TRPS1: variants seen among roughly 807,000 people sequenced by gnomAD.
TRPS1 encodes the protein transcriptional repressor GATA binding 1, also known as zinc finger transcription factor Trps1.
In TRPS1, 6 loss-of-function variants were observed where a neutral mutation model predicts 101.2. That is an observed-to-expected ratio of 0.06 (90% CI 0.03 to 0.12). The LOEUF (loss-of-function observed/expected upper bound fraction) is 0.12, where lower values mean the gene tolerates loss of function less well. TRPS1 is among the 10% of genes least tolerant of loss of function. The pLI is 1.00. For missense variants in TRPS1, 1,363 were observed against 1,567.0 expected (o/e 0.87, Z 2.20); for synonymous variants, 578 against 589.8 (o/e 0.98, Z 0.29).
chr8:115,525,029 C>T (rs201446203), intron 5 of TRPS1, among the ~76,000 whole-genome samples: 1 of 92,062 alleles, frequency 1.1e-5, no homozygotes, highest in East Asian at 6.9e-4. Flanking sequence ...CATAGAAGTA[C>T]ATCTTTTAAA....
intron 5 of TRPS1, among the ~76,000 whole-genome samples, chr8:115,428,038 T>C (rs1813232070): frequency 6.6e-6 from 1 of 152,206 alleles, no homozygotes; most frequent in Non-Finnish European, 1.5e-5. Context: ...TGCAGAAGAC[T>C]TGGCTAGAGT....
chr8:115,528,146 C>G (rs1053775781), intron 5 of TRPS1, among the ~76,000 whole-genome samples: 1 of 151,410 alleles, frequency 6.6e-6, no homozygotes, highest in African/African-American at 2.4e-5. Context: ...AAGACTGATA[C>G]AACCTTTCTG....
At position 115,466,162 on chromosome 8, in the gene TRPS1, T is replaced by C. The variant is rs1204665113; in HGVS notation, c.2701-47710A>G. 2.0e-5 allele frequency among the ~76,000 whole-genome samples: 3 copies of C among 152,140 alleles called. No homozygotes were observed. In the East Asian group the frequency reaches 5.8e-4, roughly 29 times the overall value. On this transcript the variant is annotated intron_variant, in intron 5 of 6. Coordinates refer to ENST00000395715, the MANE Select transcript of TRPS1 (RefSeq NM_014112.5). ...TCAACATGGGAGAGAAGGAAAGTGG[T>C]GGCTAAAAAAACTTCAGCTTAACTT...
At chr8:115,586,261 T>C (rs1406191776) in intron 5 of TRPS1, among the ~76,000 whole-genome samples, 1 of 152,164 alleles carries the variant, frequency 6.6e-6, no homozygotes, top group Non-Finnish European at 1.5e-5. Context: ...ATTTTCAAAA[T>C]CTAAAATACT....
At chr8:115,478,214 AGAGT>A (rs1472527387) in intron 5 of TRPS1, among the ~76,000 whole-genome samples, 1 of 152,260 alleles carries the variant, frequency 6.6e-6, no homozygotes, top group East Asian at 1.9e-4. Flanking sequence ...ATAGAAAGAT[AGAGT>A]TTCATTTTCA....
At chr8:115,583,377 ATT>A (rs398047385) in intron 5 of TRPS1, among the ~76,000 whole-genome samples, 3 of 151,142 alleles carry the variant, frequency 2.0e-5, no homozygotes, top group African/African-American at 7.3e-5. Context: ...ATATAAAATA[ATT>A]TACTTATACT....
chr8:115,543,064 T>C (rs894178524), intron 5 of TRPS1, among the ~76,000 whole-genome samples: 2 of 152,084 alleles, frequency 1.3e-5, no homozygotes, highest in Admixed American at 6.6e-5. Context: ...TTGAAGCAGG[T>C]TGGTGTCCTA....
At chr8:115,515,499 C>T (rs1815687528) in intron 5 of TRPS1, among the ~76,000 whole-genome samples, 1 of 151,374 alleles carries the variant, frequency 6.6e-6, no homozygotes, top group South Asian at 2.1e-4. Flanking sequence ...TTTAAGGTAA[C>T]TGACCTAAAT....
chr8:115,459,172 C>A (rs1283435640), intron 5 of TRPS1, among the ~76,000 whole-genome samples: 1 of 152,024 alleles, frequency 6.6e-6, no homozygotes, highest in Non-Finnish European at 1.5e-5. Flanking sequence ...CCCGTCTCTA[C>A]TAAAAATACA....
chr8:115,622,907 T>C (rs1054138763), intron 2 of TRPS1, among the ~76,000 whole-genome samples: 5 of 152,122 alleles, frequency 3.3e-5, no homozygotes, highest in Non-Finnish European at 7.4e-5. Flanking sequence ...GGAACCAAGA[T>C]AAAATACTTA....
chr8:115,626,142 A>G (rs903784020), intron 1 of TRPS1, among the ~76,000 whole-genome samples: 1 of 151,766 alleles, frequency 6.6e-6, no homozygotes, highest in Non-Finnish European at 1.5e-5. Flanking sequence ...AAAAGTCCCC[A>G]CAAAGAATTT....
At chr8:115,452,070 A>C (rs1206179515) in intron 5 of TRPS1, among the ~76,000 whole-genome samples, 3 of 152,168 alleles carry the variant, frequency 2.0e-5, no homozygotes, top group Non-Finnish European at 4.4e-5. Flanking sequence ...TGTAAATCTA[A>C]CTTGAATGGT....
intron 5 of TRPS1, among the ~76,000 whole-genome samples, chr8:115,462,632 TCTCTCTCTC>T (rs1315457432): frequency 1.1e-5 from 1 of 91,154 alleles, no homozygotes. Flanking sequence ...TTTCTCTCTC[TCTCTCTCTC>T]TTTTTTTTTT....
chr8:115,459,524 AT>A (rs1814113504), intron 5 of TRPS1, among the ~76,000 whole-genome samples: 1 of 152,162 alleles, frequency 6.6e-6, no homozygotes. Flanking sequence ...GGCTGAGAAA[AT>A]TGAGTAATTT....
At chr8:115,538,195 G>C (rs1318764514) in intron 5 of TRPS1, among the ~76,000 whole-genome samples, 1 of 152,088 alleles carries the variant, frequency 6.6e-6, no homozygotes, top group Non-Finnish European at 1.5e-5. Flanking sequence ...ATTAGTGATG[G>C]GTGAAACCAA....
At chr8:115,459,798 CAT>C (rs1814120651) in intron 5 of TRPS1, among the ~76,000 whole-genome samples, 2 of 152,282 alleles carry the variant, frequency 1.3e-5, no homozygotes, top group African/African-American at 4.8e-5. Context: ...AAGTTATCCA[CAT>C]GTCTCTCAAG....
intron 6 of TRPS1, among the ~76,000 whole-genome samples, chr8:115,415,986 G>C (rs546219230): frequency 6.6e-6 from 1 of 151,972 alleles, no homozygotes; most frequent in Non-Finnish European, 1.5e-5. Context: ...GCAATAGAGA[G>C]GGATTTTTTT....
chr8:115,666,147 G>A (rs55938109), intron 1 of TRPS1, among the ~76,000 whole-genome samples: 11,210 of 152,030 alleles, frequency 0.074, 1,230 homozygotes, highest in African/African-American at 0.24. Context: ...CCTGTATATT[G>A]AACTGAATCT....
At chr8:115,471,784 C>T (rs1814476091) in intron 5 of TRPS1, among the ~76,000 whole-genome samples, 1 of 152,106 alleles carries the variant, frequency 6.6e-6, no homozygotes, top group South Asian at 2.1e-4. Flanking sequence ...TTGGCCAAAA[C>T]AAAATTACAG....
Sources: gnomAD v4.1 joint callset for allele counts (sites outside exome capture counted in the v4.1 genomes callset) on GRCh38, gnomAD v4.1.1 for gene constraint, MANE v1.5 for transcripts, NCBI Gene and HGNC (gene_info 2026-07-23, HGNC 2026-07-21) for gene names.